The following RNF144B variants were observed in gnomAD, a reference collection of about 807,000 sequenced individuals.
RNF144B encodes the protein ring finger protein 144B.
RNF144B carries 25 observed loss-of-function variants against 40.2 expected under a neutral mutation model. That is an observed-to-expected ratio of 0.62 (90% CI 0.45 to 0.87). RNF144B has a LOEUF of 0.87. Among genes scored for constraint, RNF144B ranks in the 40% least tolerant of loss-of-function variants. The probability of loss-of-function intolerance (pLI) is 0.00; values close to 1 mark genes in which losing one functional copy is unlikely to be tolerated. For synonymous variants in RNF144B, 145 were observed against 136.3 expected, an observed-to-expected ratio of 1.06 and a Z score of -0.44; for missense variants, 365 against 373.7, an observed-to-expected ratio of 0.98 and a Z score of 0.19.
chr6:18,420,736 A>C (rs892418969), intron 2 of RNF144B, among the ~76,000 whole-genome samples: 1 of 152,050 alleles, frequency 6.6e-6, no homozygotes, highest in African/African-American at 2.4e-5. Flanking sequence ...ACTGCTATTG[A>C]GAATCAGTCC....
At chr6:18,409,269 T>C (rs540067066) in intron 2 of RNF144B, among the ~76,000 whole-genome samples, 3 of 149,076 alleles carry the variant, frequency 2.0e-5, no homozygotes, top group South Asian at 4.3e-4. Context: ...TCCCAGCTAT[T>C]TGGGAGGCTG....
intron 2 of RNF144B, among the ~76,000 whole-genome samples, chr6:18,415,639 GCTTT>G (rs1241083972): frequency 6.6e-6 from 1 of 152,092 alleles, no homozygotes; most frequent in Admixed American, 6.6e-5. Context: ...CTTTTTGCTT[GCTTT>G]ATCACATATC....
At position 18,416,085 on chromosome 6, in the gene RNF144B, T is replaced by C. The variant is rs906083043; in HGVS notation, c.166-11496T>C. On this transcript the variant is annotated intron_variant, in intron 2 of 7. Transcript: ENST00000259939. This position sits in a 1 kb window ranked among gnomAD's most constrained non-coding sequence, Gnocchi z 5.5. ...AAGGCTAATGTTTCTTTGGAGAAAG[T>C]AGAAGGATGTAAACTTGGCAAGCCT... Among the ~76,000 whole-genome samples, 1 of 152,172 alleles carries C rather than the reference T, an allele frequency of 6.6e-6. No homozygotes were observed. The highest frequency in any genetic ancestry group is 1.5e-5 in the Non-Finnish European group (1 of 68,032).
Position 18,439,664 on chromosome 6 carries a change from T to C in RNF144B, c.271-20T>C, listed in dbSNP as rs753131309. 13 of 1,598,826 alleles carry C rather than the reference T, an allele frequency of 8.1e-6. No individual in the cohort carries two copies. The South Asian group carries it at 1.4e-4, about 18-fold the overall frequency. On this transcript the variant is annotated intron_variant, in intron 3 of 7. Transcript: ENST00000259939. Reference sequence around the variant, plus strand: ...CACTATGATGACTGAAGTCTCAACCTTTTATGTCTCTGGTTTCAGATTGCC... The same window carrying C: ...CACTATGATGACTGAAGTCTCAACCCTTTATGTCTCTGGTTTCAGATTGCC...
In RNF144B at chr6:18,387,586, G is replaced by C; in HGVS notation, c.-81G>C. ...CGGACTGGCGGTGAGCGCGAGGGAG[G>C]CTACTGAGAAGCCCGGCGACGGAGG... On this transcript the variant is annotated 5_prime_UTR_variant, in exon 1 of 8. Transcript: ENST00000259939. 7.6e-7 allele frequency: 1 copy of C among 1,323,008 alleles called. No individual in the cohort carries two copies. The highest frequency in any genetic ancestry group is 9.9e-7 in the Non-Finnish European group (1 of 1,007,218). 82.0% of individuals were successfully genotyped at this position (1,323,008 alleles called of 1,614,324 possible).
rs1193419566 is a variant in RNF144B at position 18,395,627 on chromosome 6, A to G, written c.-36-3872A>G. ...TCACTGCATTTCATTCATTTTTTTA[A>G]CTATCCATTGTTGGTTTTGCCCAAA... On this transcript the variant is annotated intron_variant, in intron 1 of 7. Coordinates refer to ENST00000259939, the MANE Select transcript of RNF144B (RefSeq NM_182757.4). The surrounding 1 kb of genome is among the most constrained non-coding windows in gnomAD (Gnocchi z 4.5). Among the ~76,000 whole-genome samples the G allele has an allele frequency of 6.6e-6, 1 of 151,432 alleles. No homozygotes were observed. The highest frequency in any genetic ancestry group is 1.9e-4 in the East Asian group (1 of 5,150).
intron 3 of RNF144B, among the ~76,000 whole-genome samples, chr6:18,432,733 A>G (rs1758721673): frequency 6.6e-6 from 1 of 152,246 alleles, no homozygotes; most frequent in African/African-American, 2.4e-5. Context: ...AGTACCTGCC[A>G]TTACATGGCC....
chr6:18,423,517 A>G (rs78171354), intron 2 of RNF144B, among the ~76,000 whole-genome samples: 5,217 of 152,246 alleles, frequency 0.034, 178 homozygotes, highest in African/African-American at 0.084. Context: ...CCTTTTTGCC[A>G]TGTCCATCAT....
rs1562046025 is a variant in RNF144B at position 18,416,958 on chromosome 6, ATATAC to A, written c.166-10620_166-10616del. ...AATGTACAGAATCAATTGTATTTCC[ATATAC>A]TAGTAAGAAATAATATAATTGCATT... On this transcript the variant is annotated intron_variant, in intron 2 of 7. Transcript: ENST00000259939. This position sits in a 1 kb window ranked among gnomAD's most constrained non-coding sequence, Gnocchi z 5.5. Among the ~76,000 whole-genome samples, 1 of 152,240 alleles carries A rather than the reference ATATAC, an allele frequency of 6.6e-6. No individual in the cohort carries two copies. Among genetic ancestry groups the A allele is most frequent in the Non-Finnish European group, 1.5e-5 (1 of 68,040 alleles).
At chr6:18,435,887 GGGGAGGGA>G (rs1758808397) in intron 3 of RNF144B, among the ~76,000 whole-genome samples, 1 of 141,472 alleles carries the variant, frequency 7.1e-6, no homozygotes, top group Non-Finnish European at 1.5e-5. Flanking sequence ...TTGGGGGAGG[GGGGAGGGA>G]TAGCATTAGG....
In RNF144B at chr6:18,400,187, G is replaced by A. The variant is rs1215469611; in HGVS notation, c.165+488G>A. On this transcript the variant is annotated intron_variant, in intron 2 of 7. Coordinates refer to ENST00000259939, the MANE Select transcript of RNF144B (RefSeq NM_182757.4). This position sits in a 1 kb window ranked among gnomAD's most constrained non-coding sequence, Gnocchi z 5.6. ...ACTCGGGAGGCGGAGGCAGGAGAAT[G>A]GCGTGAACCTGGGAGGCAGAGCTTG... 6.6e-6 allele frequency among the ~76,000 whole-genome samples: 1 copy of A among 151,800 alleles called. No individual in the cohort carries two copies. Among genetic ancestry groups the A allele is most frequent in the African/African-American group, 2.4e-5 (1 of 41,296 alleles).
Position 18,444,898 on chromosome 6 carries a change from T to C in RNF144B, c.331+5154T>C, listed in dbSNP as rs1005677092. 3.3e-5 allele frequency among the ~76,000 whole-genome samples: 5 copies of C among 152,222 alleles called. No homozygotes were observed. The highest frequency in any genetic ancestry group is 5.9e-5 in the Non-Finnish European group (4 of 68,036). On this transcript the variant is annotated intron_variant, in intron 4 of 7. Coordinates refer to ENST00000259939, the MANE Select transcript of RNF144B (RefSeq NM_182757.4). This position sits in a 1 kb window ranked among gnomAD's most constrained non-coding sequence, Gnocchi z 4.3. The stretch of plus-strand genomic sequence containing the variant: ...ATTTCATGTCTTCACATTTATGATA[T>C]TACTCTAGTTTCACCTTGCTCTTTT...
intron 1 of RNF144B, among the ~76,000 whole-genome samples, 183 bp downstream of exon 1, chr6:18,387,813 G>C (rs553108740): frequency 6.6e-6 from 1 of 152,304 alleles, no homozygotes; most frequent in African/African-American, 2.4e-5. Context: ...TAACTTAGAA[G>C]AAAAATGCCT....
chr6:18,446,748 T>C lies in RNF144B; in HGVS notation c.331+7004T>C, dbSNP rs550888655. ...ACATTTTTGATCGTCACGACTTGGG[T>C]AGGAAGCTACTGGCAGCTAGTGGGT... On this transcript the variant is annotated intron_variant, in intron 4 of 7. Coordinates refer to ENST00000259939, the MANE Select transcript of RNF144B (RefSeq NM_182757.4). This position sits in a 1 kb window ranked among gnomAD's most constrained non-coding sequence, Gnocchi z 4.7. 1.6e-4 allele frequency among the ~76,000 whole-genome samples: 24 copies of C among 152,036 alleles called. No homozygotes were observed. The highest frequency in any genetic ancestry group is 2.6e-4 in the Non-Finnish European group (18 of 68,008).
In RNF144B at chr6:18,421,571, C is replaced by T. The variant is rs72832449; in HGVS notation, c.166-6010C>T. 3.8e-3 allele frequency among the ~76,000 whole-genome samples: 576 copies of T among 152,158 alleles called. 3 individuals are homozygous for T. The highest frequency in any genetic ancestry group is 0.017 in the Middle Eastern group (5 of 294). On this transcript the variant is annotated intron_variant, in intron 2 of 7. Coordinates refer to ENST00000259939, the MANE Select transcript of RNF144B (RefSeq NM_182757.4). ...GCCTGTGACAATGATAGCACCCCTA[C>T]GTGGCAAAGCAGGGTGGCACCACAG...
At chr6:18,407,946 G>C (rs1040830968) in intron 2 of RNF144B, among the ~76,000 whole-genome samples, 2 of 149,612 alleles carry the variant, frequency 1.3e-5, no homozygotes, top group South Asian at 4.2e-4. Context: ...AAAAATGGTG[G>C]CTTGGTTTGG....
intron 3 of RNF144B, among the ~76,000 whole-genome samples, chr6:18,435,309 T>C (rs2113509446): frequency 6.6e-6 from 1 of 152,308 alleles, no homozygotes; most frequent in South Asian, 2.1e-4. Context: ...CCTAGGGAGC[T>C]TTGCTTTTAC....
chr6:18,421,273 T>TACACACAC (rs1170609706), intron 2 of RNF144B, among the ~76,000 whole-genome samples: 99 of 102,292 alleles, frequency 9.7e-4, no homozygotes, highest in South Asian at 1.8e-3. Context: ...TTATATATTA[T>TACACACAC]ACACACACAC....
At chr6:18,409,444 C>T (rs1794988291) in intron 2 of RNF144B, among the ~76,000 whole-genome samples, 1 of 141,782 alleles carries the variant, frequency 7.1e-6, no homozygotes, top group Non-Finnish European at 1.5e-5. Flanking sequence ...TCTCTTTGAA[C>T]ATACTTTAAC....
Sources: gnomAD v4.1 joint callset for allele counts (sites outside exome capture counted in the v4.1 genomes callset) on GRCh38, gnomAD v4.1.1 for gene constraint, Gnocchi (gnomAD v3.1) non-coding constraint, MANE v1.5 for transcripts, NCBI Gene and HGNC (gene_info 2026-07-23, HGNC 2026-07-21) for gene names.